RCAN2: variants seen among roughly 807,000 people sequenced by gnomAD.
RCAN2 encodes the protein calcipressin-2.
RCAN2 carries 9 observed loss-of-function variants against 23.6 expected under a neutral mutation model. The observed-to-expected ratio is 0.38, with a 90% CI of 0.23 to 0.67. RCAN2 has a LOEUF of 0.67. Ranked by LOEUF, RCAN2 falls within the 30% of genes least tolerant of loss-of-function variation. RCAN2 has a pLI of 0.51. For missense variants in RCAN2, 273 were observed against 302.3 expected, an observed-to-expected ratio of 0.90 and a Z score of 0.72; for synonymous variants, 109 against 115.7, an observed-to-expected ratio of 0.94 and a Z score of 0.37.
chr6:46,304,898 G>C (rs1763015951), intron 2 of RCAN2, among the ~76,000 whole-genome samples: 1 of 152,078 alleles, frequency 6.6e-6, no homozygotes, highest in Non-Finnish European at 1.5e-5. Flanking sequence ...GTGCCCAGTA[G>C]AACACTGTGC....
At chr6:46,227,209 T>C (rs995852487) in intron 4 of RCAN2, among the ~76,000 whole-genome samples, 3 of 152,206 alleles carry the variant, frequency 2.0e-5, no homozygotes, top group Non-Finnish European at 4.4e-5. Flanking sequence ...TTGAGGATTT[T>C]TGCATTGATG....
chr6:46,363,663 C>A (rs1308477701), intron 2 of RCAN2, among the ~76,000 whole-genome samples: 4 of 152,042 alleles, frequency 2.6e-5, no homozygotes, highest in East Asian at 3.9e-4. Context: ...CTTAGCACAG[C>A]AGAAAAATTA....
chr6:46,316,509 T>C (rs1017506636), intron 2 of RCAN2, among the ~76,000 whole-genome samples: 1 of 152,098 alleles, frequency 6.6e-6, no homozygotes, highest in African/African-American at 2.4e-5. Flanking sequence ...GGAAGCCTCT[T>C]TAGAGGTCAT....
chr6:46,311,384 A>G (rs1288682584), intron 2 of RCAN2, among the ~76,000 whole-genome samples: 1 of 152,222 alleles, frequency 6.6e-6, no homozygotes, highest in African/African-American at 2.4e-5. Context: ...CGCCCCAACC[A>G]ATGGCTGTAA....
At chr6:46,262,857 C>A (rs573132893) in intron 2 of RCAN2, among the ~76,000 whole-genome samples, 14 of 152,232 alleles carry the variant, frequency 9.2e-5, no homozygotes, top group African/African-American at 3.4e-4. Context: ...CCCTTTCTTC[C>A]GCCAGTAACA....
At chr6:46,459,909 G>A (rs1034270427) in intron 1 of RCAN2, among the ~76,000 whole-genome samples, 19 of 151,946 alleles carry the variant, frequency 1.3e-4, no homozygotes, top group African/African-American at 4.4e-4. Context: ...AAAACACATC[G>A]TGATAATTTC....
intron 2 of RCAN2, among the ~76,000 whole-genome samples, chr6:46,353,531 T>C (rs1764726907): frequency 6.6e-6 from 1 of 152,178 alleles, no homozygotes; most frequent in Non-Finnish European, 1.5e-5. Context: ...TTGTGTAAGA[T>C]GGGGGTTAAG....
intron 2 of RCAN2, among the ~76,000 whole-genome samples, chr6:46,268,709 G>A (rs1767425174): frequency 6.6e-6 from 1 of 152,126 alleles, no homozygotes; most frequent in Non-Finnish European, 1.5e-5. Flanking sequence ...TGACTCCATT[G>A]TTTTTTAGCC....
At chr6:46,454,661 A>G (rs1767969533) in intron 2 of RCAN2, among the ~76,000 whole-genome samples, 1 of 152,214 alleles carries the variant, frequency 6.6e-6, no homozygotes, top group Non-Finnish European at 1.5e-5. Context: ...ATCATTTGAA[A>G]CTGAGTGCAA....
intron 2 of RCAN2, among the ~76,000 whole-genome samples, chr6:46,452,205 A>C (rs1200904886): frequency 2.0e-5 from 3 of 152,198 alleles, no homozygotes; most frequent in African/African-American, 4.8e-5. Flanking sequence ...CTGGCAGCCT[A>C]GATTTGAATC....
intron 2 of RCAN2, among the ~76,000 whole-genome samples, chr6:46,285,529 C>G (rs1292299422): frequency 6.6e-6 from 1 of 152,188 alleles, no homozygotes; most frequent in Non-Finnish European, 1.5e-5. Flanking sequence ...ATACATGGGT[C>G]AGTTTGAGAA....
At position 46,223,260 on chromosome 6, in the gene RCAN2, T is replaced by C. The variant is rs760268134; in HGVS notation, c.613A>G (p.Ser205Gly). The change falls in exon 5 of 5, where the codon AGT becomes GGT. Residue 205 changes from serine to glycine, a missense_variant. Transcript: ENST00000371374. ...CTGTCGCACACGTGCACGACGACAC[T>C]TGGGGTGGACTCAGTCCCTGCATGG... ...ELHAGTESTPSVVVHVCDSDI... is the reference protein window; with the variant it reads ...ELHAGTESTPGVVVHVCDSDI... 6.2e-7 allele frequency: 1 copy of C among 1,613,942 alleles called. No individual in the cohort carries two copies. Among genetic ancestry groups the C allele is most frequent in the Non-Finnish European group, 8.5e-7 (1 of 1,179,890 alleles).
intron 2 of RCAN2, among the ~76,000 whole-genome samples, chr6:46,445,737 A>C (rs1767686105): frequency 6.6e-6 from 1 of 152,248 alleles, no homozygotes; most frequent in Non-Finnish European, 1.5e-5. Flanking sequence ...TGAATTATTA[A>C]AAAAATTCTA....
At chr6:46,309,217 C>G (rs909667715) in intron 2 of RCAN2, among the ~76,000 whole-genome samples, 1 of 152,186 alleles carries the variant, frequency 6.6e-6, no homozygotes, top group Non-Finnish European at 1.5e-5. Context: ...CAGTAATACC[C>G]TCATTGCCAT....
chr6:46,359,698 T>C (rs1210058137), intron 2 of RCAN2, among the ~76,000 whole-genome samples: 1 of 152,158 alleles, frequency 6.6e-6, no homozygotes, highest in African/African-American at 2.4e-5. Context: ...AAGACAACCA[T>C]TAAGAACGAG....
chr6:46,402,411 G>A (rs952687520), intron 2 of RCAN2, among the ~76,000 whole-genome samples: 12 of 152,132 alleles, frequency 7.9e-5, no homozygotes, highest in South Asian at 2.1e-4. Context: ...ATTCTCCCCT[G>A]AGCTTGGTCA....
chr6:46,481,957 T>C (rs564537920), intron 1 of RCAN2, among the ~76,000 whole-genome samples: 1 of 151,888 alleles, frequency 6.6e-6, no homozygotes, highest in Non-Finnish European at 1.5e-5. Context: ...AAAGGCTGCA[T>C]GTAAATATCT....
intron 2 of RCAN2, among the ~76,000 whole-genome samples, chr6:46,390,959 G>A (rs1353440318): frequency 3.3e-5 from 5 of 152,108 alleles, no homozygotes; most frequent in African/African-American, 9.7e-5. Flanking sequence ...GGGGGACCAG[G>A]GAGTCTTGGG....
chr6:46,376,365 G>C (rs1199317799), intron 2 of RCAN2, among the ~76,000 whole-genome samples: 1 of 152,164 alleles, frequency 6.6e-6, no homozygotes, highest in African/African-American at 2.4e-5. Context: ...TAAAAGTTGG[G>C]GCGAGCTGAC....
Sources: allele counts gnomAD v4.1 joint callset (sites outside exome capture counted in the v4.1 genomes callset), GRCh38; gene constraint gnomAD v4.1.1; transcripts MANE v1.5; gene names NCBI Gene and HGNC (gene_info 2026-07-23, HGNC 2026-07-21).